BNIP2: variants seen among roughly 807,000 people sequenced by gnomAD.
The protein encoded by BNIP2 is BCL2 interacting protein 2, also known as BCL2/adenovirus E1B 19 kDa protein-interacting protein 2.
A neutral mutation model predicts 43.4 loss-of-function variants in BNIP2; 36 were observed. The observed-to-expected ratio is 0.83, with a 90% CI of 0.64 to 1.10. BNIP2 has a LOEUF of 1.10. Ranked by LOEUF, BNIP2 falls within the 50% of genes least tolerant of loss-of-function variation. The probability of loss-of-function intolerance (pLI) is 0.00; values close to 1 mark genes in which losing one functional copy is unlikely to be tolerated. For missense variants in BNIP2, 417 were observed against 374.1 expected, an observed-to-expected ratio of 1.11 and a Z score of -0.95; for synonymous variants, 146 against 121.0, an observed-to-expected ratio of 1.21 and a Z score of -1.35.
Position 59,663,976 on chromosome 15 carries a change from A to AT in BNIP2, c.*92dup. ...TCAAGTCTATTTTGTAACAGGTTACATAAAAATATGGGCCAATAAATGCAT... is the reference window on the plus strand; with the variant it reads ...TCAAGTCTATTTTGTAACAGGTTACATTAAAAATATGGGCCAATAAATGCAT... On this transcript the variant is annotated 3_prime_UTR_variant, in exon 10 of 10. Coordinates refer to ENST00000607373, the MANE Select transcript of BNIP2 (RefSeq NM_004330.4). 9.9e-7 allele frequency: 1 copy of AT among 1,012,502 alleles called. No homozygotes were observed. Among genetic ancestry groups the AT allele is most frequent in the Non-Finnish European group, 1.4e-6 (1 of 704,952 alleles). 62.7% of individuals were successfully genotyped at this position (1,012,502 alleles called of 1,614,324 possible). A position where few individuals can be genotyped will look rare whatever the true frequency, so the allele number is the denominator to read the frequency against.
In BNIP2 at chr15:59,688,065, G is replaced by C. The variant is rs537827574; in HGVS notation, c.-58+1070C>G. Reference sequence around the variant, plus strand: ...ACTGACTTATGATAATCTAGTTCAAGTTCCGTTTGCAGAAGTGGATCTGTC... The same window carrying C: ...ACTGACTTATGATAATCTAGTTCAACTTCCGTTTGCAGAAGTGGATCTGTC... On this transcript the variant is annotated intron_variant, in intron 1 of 9. Coordinates refer to ENST00000607373, the MANE Select transcript of BNIP2 (RefSeq NM_004330.4). Among the ~76,000 whole-genome samples, 4 of 152,312 alleles carry C rather than the reference G, an allele frequency of 2.6e-5. No homozygotes were observed. In the East Asian group the frequency reaches 7.7e-4, roughly 29 times the overall value.
chr15:59,678,226 G>C, intron 4 of BNIP2, 139 bp from the exon 5 acceptor site: 15 of 1,390,392 alleles, frequency 1.1e-5, no homozygotes, highest in Non-Finnish European at 1.4e-5. Context: ...CTTCCATAAA[G>C]GAGGAAAAGG....
intron 1 of BNIP2, 151 bp downstream of exon 1, chr15:59,688,984 G>C: frequency 1.4e-6 from 2 of 1,442,670 alleles, no homozygotes; most frequent in Non-Finnish European, 1.8e-6. Context: ...CACCTCCCGA[G>C]CAGGTTCTAT....
At chr15:59,682,627 T>A in intron 1 of BNIP2, 113 bp from the exon 2 acceptor site, 1 of 755,404 alleles carries the variant, frequency 1.3e-6, no homozygotes, top group Non-Finnish European at 1.9e-6. Context: ...AATGGTCTGG[T>A]CATGAAATTC....
At position 59,661,711 on chromosome 15, in the gene BNIP2, C is replaced by T. The variant is rs914041981; in HGVS notation, c.*2358G>A. 1 of 152,204 alleles carries T rather than the reference C, an allele frequency of 6.6e-6. No homozygotes were observed. Among genetic ancestry groups the T allele is most frequent in the African/African-American group, 2.4e-5 (1 of 41,440 alleles). The allele number at this position is 152,204 out of a possible 1,614,324, so 9.4% of individuals were successfully genotyped here. A position where few individuals can be genotyped will look rare whatever the true frequency, so the allele number is the denominator to read the frequency against. ...CCCAACAGAAAGATAAAAGTACAAT[C>T]ACATATACTTTCACCTTGGTCAGTA... is the stretch of plus-strand genomic sequence containing the variant. On this transcript the variant is annotated 3_prime_UTR_variant, in exon 10 of 10. Coordinates refer to ENST00000607373, the MANE Select transcript of BNIP2 (RefSeq NM_004330.4).
At chr15:59,679,065 T>C (rs1195224906) in intron 4 of BNIP2, among the ~76,000 whole-genome samples, 2 of 152,156 alleles carry the variant, frequency 1.3e-5, no homozygotes, top group Non-Finnish European at 2.9e-5. Context: ...GTAAAAATTA[T>C]AACAACTATA....
chr15:59,671,511 G>C (rs1472120971), intron 6 of BNIP2, among the ~76,000 whole-genome samples, 197 bp from the exon 7 acceptor site: 1 of 152,168 alleles, frequency 6.6e-6, no homozygotes, highest in Non-Finnish European at 1.5e-5. Flanking sequence ...TAGGTGAAAT[G>C]ATTTGCTCCT....
intron 5 of BNIP2, among the ~76,000 whole-genome samples, chr15:59,675,134 A>G (rs944296753): frequency 3.3e-5 from 5 of 151,678 alleles, no homozygotes; most frequent in Non-Finnish European, 7.4e-5. Context: ...CTGTAGTCCC[A>G]CCTACTTGGG....
intron 1 of BNIP2, among the ~76,000 whole-genome samples, chr15:59,687,004 G>A (rs6151453): frequency 0.011 from 1,709 of 152,220 alleles, 37 homozygotes; most frequent in African/African-American, 0.039. Flanking sequence ...GTGACAGAGC[G>A]AGACTGCATC....
chr15:59,688,533 C>T lies in BNIP2; in HGVS notation c.-58+602G>A, dbSNP rs1292445513. 9 of 617,252 alleles carry T rather than the reference C, an allele frequency of 1.5e-5. No homozygotes were observed. The African/African-American group carries it at 1.7e-4, about 11-fold the overall frequency. The allele number at this position is 617,252 out of a possible 1,614,324, so 38.2% of individuals were successfully genotyped here. A position where few individuals can be genotyped will look rare whatever the true frequency, so the allele number is the denominator to read the frequency against. ...TCACAAGACACAGACAAGTAACTCT[C>T]CAGCGGCATGAAATGCATCCAGAAA... On this transcript the variant is annotated intron_variant, in intron 1 of 9. Transcript: ENST00000607373.
intron 6 of BNIP2, among the ~76,000 whole-genome samples, chr15:59,672,044 C>G (rs1198985019): frequency 6.6e-6 from 1 of 152,154 alleles, no homozygotes; most frequent in African/African-American, 2.4e-5. Flanking sequence ...CCACTGCACT[C>G]CAGCCTGGGT....
rs756668325 is a variant in BNIP2, at chr15:59,679,658, T to C, written c.229A>G (p.Ser77Gly). Residue 77 changes from serine (S) to glycine (G), a missense_variant, in exon 4 of 10, where the codon AGT becomes GGT. Physicochemically the swap from Ser to Gly is moderately conservative, Grantham distance 56. Transcript: ENST00000607373. The stretch of plus-strand genomic sequence containing the variant: ...AAGCCATCTAAGTCAATCTCCCCAC[T>C]TTCATCCAAATCATCTGACAATACA... ...GSVLSDDLDE[S>G]GEIDLDGLDT... is the part of the protein sequence containing the mutation. The C allele has an allele frequency of 1.9e-6, 3 of 1,613,258 alleles. No homozygotes were observed. Among genetic ancestry groups the C allele is most frequent in the Non-Finnish European group, 1.7e-6 (2 of 1,179,556 alleles).
In BNIP2 at chr15:59,682,465, C is replaced by T; in HGVS notation, c.-8G>A. 1 of 1,613,790 alleles carries T rather than the reference C, an allele frequency of 6.2e-7. No homozygotes were observed. The highest frequency in any genetic ancestry group is 2.2e-5 in the East Asian group (1 of 44,864). On this transcript the variant is annotated 5_prime_UTR_variant, in exon 2 of 10. Transcript: ENST00000607373. ...AAGTTCCACACCTTCCATCCTCAGC[C>T]TGGATTCAATGTCAACTACAAACTC... is the stretch of plus-strand genomic sequence containing the variant.
At chr15:59,681,744 GC>G (rs1436749878) in intron 2 of BNIP2, among the ~76,000 whole-genome samples, 2 of 151,960 alleles carry the variant, frequency 1.3e-5, no homozygotes, top group African/African-American at 4.8e-5. Flanking sequence ...ACCGCACCTG[GC>G]CACAAAATTA....
chr15:59,677,162 C>A (rs1200450366), intron 5 of BNIP2: 5 of 1,594,942 alleles, frequency 3.1e-6, no homozygotes, highest in Non-Finnish European at 4.3e-6. Context: ...TGATTTACTA[C>A]CTCTGCATCT....
chr15:59,667,631 A>G (rs1892643637), intron 9 of BNIP2, among the ~76,000 whole-genome samples: 1 of 152,244 alleles, frequency 6.6e-6, no homozygotes, highest in Admixed American at 6.5e-5. Context: ...TTTAAGCATA[A>G]AAGGAAACCA....
intron 6 of BNIP2, among the ~76,000 whole-genome samples, chr15:59,672,039 GCA>G (rs1340203010): frequency 6.6e-6 from 1 of 152,184 alleles, no homozygotes; most frequent in African/African-American, 2.4e-5. Context: ...TTGTACCACT[GCA>G]CTCCAGCCTG....
chr15:59,680,347 G>A (rs1566975787), intron 2 of BNIP2, 39 bp from the exon 3 acceptor site: 1 of 1,503,004 alleles, frequency 6.7e-7, no homozygotes, highest in South Asian at 1.3e-5. Flanking sequence ...CAGAAATTAA[G>A]AAAGAATTTT....
chr15:59,669,524 T>G (rs553415677), intron 7 of BNIP2, among the ~76,000 whole-genome samples, 162 bp from the exon 8 acceptor site: 1 of 152,348 alleles, frequency 6.6e-6, no homozygotes, highest in South Asian at 2.1e-4. Context: ...CTTAAATTCT[T>G]ATGGTCCCTC....
Sources: gnomAD v4.1 joint callset for allele counts (sites outside exome capture counted in the v4.1 genomes callset) on GRCh38, gnomAD v4.1.1 for gene constraint, MANE v1.5 for transcripts, NCBI Gene and HGNC (gene_info 2026-07-23, HGNC 2026-07-21) for gene names.